The following UQCRC1 variants were observed in gnomAD, a reference collection of about 807,000 sequenced individuals.
UQCRC1 encodes cytochrome b-c1 complex subunit 1, mitochondrial.
Under a neutral mutation model 58.0 loss-of-function variants are expected in UQCRC1, and 34 were observed. The ratio of observed to expected loss-of-function variants is 0.59; its 90% CI spans 0.45 to 0.78. UQCRC1 has a LOEUF of 0.78. Ranked by LOEUF, UQCRC1 falls within the 30% of genes least tolerant of loss-of-function variation. The probability of loss-of-function intolerance (pLI) is 0.00; values close to 1 mark genes in which losing one functional copy is unlikely to be tolerated. For missense variants in UQCRC1, 610 were observed against 646.0 expected (o/e 0.94, Z 0.60); for synonymous variants, 276 against 248.8 (o/e 1.11, Z -1.03).
chr3:48,603,737 A>G, intron 5 of UQCRC1, 94 bp from the exon 6 acceptor site: 3 of 1,180,094 alleles, frequency 2.5e-6, no homozygotes, highest in Non-Finnish European at 3.7e-6. Context: ...AGACTAGGAG[A>G]GGCATGGTTT....
chr3:48,600,117 G>T lies in UQCRC1; in HGVS notation c.1248C>A (p.Ser416Arg). Residue 416 changes from serine (S) to arginine (R), a missense_variant, in exon 11 of 13, where the codon AGC becomes AGA. By Grantham distance (110) the Ser-to-Arg change is moderately radical (BLOSUM62 -1). Coordinates refer to ENST00000203407, the MANE Select transcript of UQCRC1 (RefSeq NM_003365.3). ...TTPVCEDIGR[S>R]LLTYGRRIPL... ...GGATGCGGCGGCCATAGGTCAGGAGGCTGCGTCCGATGTCCTCACACACAG... is the reference window on the plus strand; with the variant it reads ...GGATGCGGCGGCCATAGGTCAGGAGTCTGCGTCCGATGTCCTCACACACAG... 2.5e-6 allele frequency: 4 copies of T among 1,614,116 alleles called. No individual in the cohort carries two copies. Among genetic ancestry groups the T allele is most frequent in the Non-Finnish European group, 3.4e-6 (4 of 1,180,008 alleles).
At chr3:48,601,200 A>G in intron 7 of UQCRC1, 82 bp from the exon 8 acceptor site, 3 of 1,550,286 alleles carry the variant, frequency 1.9e-6, no homozygotes, top group Non-Finnish European at 2.6e-6. Flanking sequence ...TAGAGGGTGT[A>G]TGTGTGTGAA....
Position 48,604,661 on chromosome 3 carries a change from A to C in UQCRC1, c.417T>G (p.Asp139Glu), listed in dbSNP as rs780798585. The C allele has an allele frequency of 6.2e-7, 1 of 1,614,170 alleles. No homozygotes were observed. The highest frequency in any genetic ancestry group is 8.5e-7 in the Non-Finnish European group (1 of 1,180,040). ...TCCTCCAGGTGTTACCTTTCGGCAG[A>C]TCCTTGGACAGCGCCTTGATGTAGT... ...TAYYIKALSK[D>E]LPKAVELLGD... Residue 139 changes from aspartate to glutamate, a missense_variant, in exon 4 of 13, where the codon GAT becomes GAG. Coordinates refer to ENST00000203407, the MANE Select transcript of UQCRC1 (RefSeq NM_003365.3).
At chr3:48,603,779 AC>A in intron 5 of UQCRC1, 136 bp from the exon 6 acceptor site, 1 of 819,038 alleles carries the variant, frequency 1.2e-6, no homozygotes, top group South Asian at 1.6e-5. Flanking sequence ...ACACTCCCCA[AC>A]CCCCTTCCCC....
rs376087580 is a variant in UQCRC1 at position 48,600,121 on chromosome 3, C to T, written c.1244G>A (p.Arg415His). Residue 415 changes from arginine to histidine, a missense_variant, in exon 11 of 13, where the codon CGC becomes CAC. Arg to His is a conservative substitution (Grantham distance 29). Transcript: ENST00000203407. ...GCGGCGGCCATAGGTCAGGAGGCTG[C>T]GTCCGATGTCCTCACACACAGGAGT... ...GTTPVCEDIG[R>H]SLLTYGRRIP... is the part of the protein sequence containing the mutation. The T allele has an allele frequency of 7.4e-5, 120 of 1,613,986 alleles. No homozygotes were observed. Among genetic ancestry groups the T allele is most frequent in the Admixed American group, 2.0e-4 (12 of 59,998 alleles).
At chr3:48,602,539 T>C (rs2046375979) in intron 6 of UQCRC1, among the ~76,000 whole-genome samples, 1 of 151,424 alleles carries the variant, frequency 6.6e-6, no homozygotes, top group African/African-American at 2.4e-5. Context: ...TTTTTTTTTT[T>C]TGAGATGGAG....
chr3:48,600,809 A>G lies in UQCRC1; in HGVS notation c.998T>C (p.Val333Ala). The G allele has an allele frequency of 6.2e-7, 1 of 1,614,072 alleles. No individual in the cohort carries two copies. The highest frequency in any genetic ancestry group is 1.1e-5 in the South Asian group (1 of 91,086). ...GAAACTCTGGCATAGCTTGTTGGCCACAGCACCTGAAGCCAGTGGGCTGGA... is the reference window on the plus strand; with the variant it reads ...GAAACTCTGGCATAGCTTGTTGGCCGCAGCACCTGAAGCCAGTGGGCTGGA... ...HLSSPLASGAVANKLCQSFQT... is the reference protein window; with the variant it reads ...HLSSPLASGAAANKLCQSFQT... The change falls in exon 9 of 13, where the codon GTG becomes GCG. Residue 333 changes from valine to alanine, a missense_variant. Physicochemically the swap from Val to Ala is moderately conservative, Grantham distance 64. Coordinates refer to ENST00000203407, the MANE Select transcript of UQCRC1 (RefSeq NM_003365.3).
chr3:48,603,386 C>T (rs1225250920), intron 6 of UQCRC1, among the ~76,000 whole-genome samples, 178 bp downstream of exon 6: 1 of 152,196 alleles, frequency 6.6e-6, no homozygotes, highest in African/African-American at 2.4e-5. Flanking sequence ...GTGGTGGCGG[C>T]AGGGTAGAAT....
chr3:48,600,051 G>A lies in UQCRC1; in HGVS notation c.1302+12C>T, dbSNP rs1321507833. 2 of 1,613,998 alleles carry A rather than the reference G, an allele frequency of 1.2e-6. No homozygotes were observed. The highest frequency in any genetic ancestry group is 1.7e-6 in the Non-Finnish European group (2 of 1,179,992). ...CCAAGACTCCAGAACCTCTCCCAGG[G>A]GTCCATGTTACCGCAATCCGGCTTT... is the stretch of plus-strand genomic sequence containing the variant. On this transcript the variant is annotated intron_variant, in intron 11 of 12. Coordinates refer to ENST00000203407, the MANE Select transcript of UQCRC1 (RefSeq NM_003365.3).
intron 1 of UQCRC1, 64 bp from the exon 2 acceptor site, chr3:48,609,366 C>G: frequency 1.9e-6 from 3 of 1,562,588 alleles, no homozygotes; most frequent in Non-Finnish European, 2.6e-6. Context: ...CTCCCAGGTC[C>G]TCAGGAGGAC....
Position 48,609,553 on chromosome 3 carries a change from G to A in UQCRC1, c.68C>T (p.Ser23Leu). 1.3e-6 allele frequency: 2 copies of A among 1,562,606 alleles called. No individual in the cohort carries two copies. Among genetic ancestry groups the A allele is most frequent in the South Asian group, 1.2e-5 (1 of 86,736 alleles). Residue 23 changes from serine to leucine, a missense_variant and splice_region_variant, in exon 1 of 13, where the codon TCG (serine) becomes TTG (leucine). Physicochemically the swap from Ser to Leu is moderately radical, Grantham distance 145 (BLOSUM62 -2). Transcript: ENST00000203407. ...CCCGCGCTCTCGCCACCACCTCACC[G>A]AGCGGCGGGCGCGCAATAGCACTTG... ...GAQVLLRARR[S>L]PALLRTPALR...
chr3:48,601,728 C>T (rs769738756), intron 6 of UQCRC1, among the ~76,000 whole-genome samples: 3 of 152,198 alleles, frequency 2.0e-5, no homozygotes, highest in Non-Finnish European at 4.4e-5. Flanking sequence ...AATGGGCTGC[C>T]ATGTGATCCA....
At chr3:48,605,925 G>T in intron 2 of UQCRC1, 69 bp from the exon 3 acceptor site, 1 of 1,479,802 alleles carries the variant, frequency 6.8e-7, no homozygotes, top group Non-Finnish European at 9.3e-7. Context: ...CACCCCACCT[G>T]AGTGACTCAG....
rs570940063 is a variant in UQCRC1, at chr3:48,600,163, A to G, written c.1214-12T>C. 1.2e-6 allele frequency: 2 copies of G among 1,613,848 alleles called. No homozygotes were observed. Among genetic ancestry groups the G allele is most frequent in the African/African-American group, 2.7e-5 (2 of 75,024 alleles). ...CACAGGAGTAGTGCCTTTAAGGGTG[A>G]GAGAAGGCTCAGAGGTCCACCCAGC... On this transcript the variant is annotated splice_polypyrimidine_tract_variant and intron_variant, in intron 10 of 12. Transcript: ENST00000203407.
In UQCRC1 at chr3:48,605,797, G is replaced by A. The variant is rs149394541; in HGVS notation, c.270C>T (p.Gly90=). The A allele has an allele frequency of 1.9e-6, 3 of 1,613,748 alleles. No individual in the cohort carries two copies. The African/African-American group carries it at 4.0e-5, about 22-fold the overall frequency. The stretch of plus-strand genomic sequence containing the variant: ...TGAAAGCCAGATGCTCCAAAAAGTA[G>A]CCTGCCCCATTATTCTTCTCAGTCT... ...RFETEKNNGA[G]YFLEHLAFKG... The change falls in exon 3 of 13, where the codon GGC becomes GGT. Residue 90 remains glycine (G), a synonymous_variant. Transcript: ENST00000203407.
At chr3:48,609,040 T>C in intron 2 of UQCRC1, 122 bp downstream of exon 2, 2 of 1,344,426 alleles carry the variant, frequency 1.5e-6, no homozygotes, top group Non-Finnish European at 1.0e-6. Context: ...TCGGGGTGAG[T>C]GGTCCTGGGT....
Position 48,600,362 on chromosome 3 carries a change from G to A in UQCRC1, c.1213+120C>T, listed in dbSNP as rs959340454. The A allele has an allele frequency of 1.3e-5, 16 of 1,273,336 alleles. No individual in the cohort carries two copies. The East Asian group carries it at 3.9e-4, about 31-fold the overall frequency. The allele number at this position is 1,273,336 out of a possible 1,614,324, so 78.9% of individuals were successfully genotyped here. ...TGCATCTCCAAGGGTGGGGTGATGG[G>A]GCATGGCGTGGTCTTCAAAGTTTTC... On this transcript the variant is annotated intron_variant, in intron 10 of 12. Coordinates refer to ENST00000203407, the MANE Select transcript of UQCRC1 (RefSeq NM_003365.3).
In UQCRC1 at chr3:48,604,776, G is replaced by A. The variant is rs897575365; in HGVS notation, c.302C>T (p.Thr101Ile). The A allele has an allele frequency of 2.5e-5, 41 of 1,613,910 alleles. No homozygotes were observed. The highest frequency in any genetic ancestry group is 3.4e-5 in the Non-Finnish European group (40 of 1,180,004). Residue 101 changes from threonine (T) to isoleucine (I), a missense_variant, in exon 4 of 13, where the codon ACA becomes ATA. Coordinates refer to ENST00000203407, the MANE Select transcript of UQCRC1 (RefSeq NM_003365.3). ...YFLEHLAFKG[T>I]KNRPGSALEK... The stretch of plus-strand genomic sequence containing the variant: ...CAGGGCACTGCCAGGCCGATTCTTT[G>A]TTCCCTGGAACCAGATATCAACCAG...
intron 6 of UQCRC1, among the ~76,000 whole-genome samples, chr3:48,602,273 G>A (rs1559456317): frequency 1.3e-5 from 2 of 151,914 alleles, no homozygotes; most frequent in Non-Finnish European, 2.9e-5. Flanking sequence ...GGATGGTCTC[G>A]AGCTCCTGAT....
Sources: allele counts gnomAD v4.1 joint callset (sites outside exome capture counted in the v4.1 genomes callset), GRCh38; gene constraint gnomAD v4.1.1; transcripts MANE v1.5; gene names NCBI Gene and HGNC (gene_info 2026-07-23, HGNC 2026-07-21).